Variants in ZCWPW2 observed in about 807,000 individuals in gnomAD.
The protein encoded by ZCWPW2 is zinc finger CW-type PWWP domain protein 2.
Under a neutral mutation model 46.6 loss-of-function variants are expected in ZCWPW2, and 45 were observed. That is an observed-to-expected ratio of 0.96 (90% confidence interval 0.76 to 1.24). The LOEUF is 1.24. Ranked by LOEUF, ZCWPW2 falls within the 50% of genes most tolerant of loss-of-function variation. ZCWPW2 has a pLI of 0.00. For missense variants in ZCWPW2, 429 were observed against 403.9 expected, an observed-to-expected ratio of 1.06 and a Z score of -0.53; for synonymous variants, 152 against 137.1, an observed-to-expected ratio of 1.11 and a Z score of -0.76.
At position 28,369,596 on chromosome 3, in the gene ZCWPW2, C is replaced by T. The variant is rs560803161; in HGVS notation, c.-134+20393C>T. The stretch of plus-strand genomic sequence containing the variant: ...GGAGGTGCCTCCCAGTTAGGCTACT[C>T]GGGAGTCAGGGACCCACTTGAGGAG... On this transcript the variant is annotated intron_variant, in intron 1 of 9. Transcript: ENST00000383768. 6.2e-4 allele frequency among the ~76,000 whole-genome samples: 94 copies of T among 152,308 alleles called. 2 individuals are homozygous for T. The highest frequency in any genetic ancestry group is 6.8e-3 in the Middle Eastern group (2 of 294).
At chr3:28,481,698 A>AT (rs559662624) in intron 5 of ZCWPW2, among the ~76,000 whole-genome samples, 16 of 150,570 alleles carry the variant, frequency 1.1e-4, no homozygotes, top group Admixed American at 2.6e-4. Context: ...AGTAGCAATG[A>AT]TTTTTTTTTT....
chr3:28,486,721 A>G (rs1699611717), intron 5 of ZCWPW2, among the ~76,000 whole-genome samples: 1 of 152,104 alleles, frequency 6.6e-6, no homozygotes. Context: ...TAAAAAATTC[A>G]AAAATTAGCC....
At chr3:28,364,405 G>T (rs962541940) in intron 1 of ZCWPW2, among the ~76,000 whole-genome samples, 11 of 151,388 alleles carry the variant, frequency 7.3e-5, no homozygotes, top group African/African-American at 1.5e-4. Context: ...ATTGCAAATT[G>T]TGCTGCTATA....
intron 6 of ZCWPW2, among the ~76,000 whole-genome samples, chr3:28,497,782 A>G (rs1330932012): frequency 2.0e-5 from 3 of 152,210 alleles, no homozygotes; most frequent in Admixed American, 1.3e-4. Flanking sequence ...TGAGACTTCT[A>G]TCTACAAGCT....
intron 4 of ZCWPW2, among the ~76,000 whole-genome samples, chr3:28,443,771 A>G (rs1417311357): frequency 1.3e-5 from 2 of 152,188 alleles, no homozygotes; most frequent in Non-Finnish European, 1.5e-5. Context: ...TACAGAGAAG[A>G]GCAATTACAG....
chr3:28,397,070 A>G (rs760114699), intron 2 of ZCWPW2, among the ~76,000 whole-genome samples: 1 of 151,826 alleles, frequency 6.6e-6, no homozygotes, highest in Admixed American at 6.6e-5. Flanking sequence ...CAGAGGTTGC[A>G]GTGAGACAAG....
At chr3:28,373,868 G>A (rs1028821702) in intron 1 of ZCWPW2, among the ~76,000 whole-genome samples, 2 of 151,992 alleles carry the variant, frequency 1.3e-5, no homozygotes, top group African/African-American at 4.8e-5. Flanking sequence ...TTTTGCTGTT[G>A]TTTGAGATCC....
At chr3:28,446,514 G>A (rs184693051) in intron 4 of ZCWPW2, among the ~76,000 whole-genome samples, 143 of 152,024 alleles carry the variant, frequency 9.4e-4, no homozygotes, top group African/African-American at 3.3e-3. Context: ...TTAATAGTAT[G>A]CAATGAAAGC....
chr3:28,384,287 G>C (rs1695196401), intron 1 of ZCWPW2, among the ~76,000 whole-genome samples: 1 of 151,958 alleles, frequency 6.6e-6, no homozygotes, highest in Admixed American at 6.6e-5. Flanking sequence ...TCACAAATCT[G>C]TTTTGTACTT....
intron 6 of ZCWPW2, chr3:28,511,230 C>T: frequency 3.3e-6 from 1 of 299,360 alleles, no homozygotes; most frequent in South Asian, 3.0e-5. Flanking sequence ...GAGCAAATGT[C>T]TATTCTTTAT....
At chr3:28,499,926 A>C (rs1700095521) in intron 6 of ZCWPW2, among the ~76,000 whole-genome samples, 1 of 151,940 alleles carries the variant, frequency 6.6e-6, no homozygotes. Context: ...TTCTGTATTT[A>C]TATAGTAAAA....
At chr3:28,406,697 T>C (rs1383063510) in intron 2 of ZCWPW2, among the ~76,000 whole-genome samples, 1 of 152,188 alleles carries the variant, frequency 6.6e-6, no homozygotes, top group Non-Finnish European at 1.5e-5. Context: ...AATAAGACTC[T>C]TCTGAGGTTT....
chr3:28,357,074 GAAA>G (rs61226891), intron 1 of ZCWPW2, among the ~76,000 whole-genome samples: 1 of 150,572 alleles, frequency 6.6e-6, no homozygotes, highest in Non-Finnish European at 1.5e-5. Context: ...TGCCTATAAA[GAAA>G]AAAAAATCCA....
At chr3:28,395,298 A>T (rs774936690) in intron 2 of ZCWPW2, among the ~76,000 whole-genome samples, 2 of 152,124 alleles carry the variant, frequency 1.3e-5, no homozygotes, top group African/African-American at 2.4e-5. Flanking sequence ...TTTGCACTGT[A>T]ATGTAAATGG....
intron 2 of ZCWPW2, among the ~76,000 whole-genome samples, chr3:28,390,922 G>A (rs1341081927): frequency 6.6e-6 from 1 of 152,084 alleles, no homozygotes; most frequent in East Asian, 1.9e-4. Context: ...ATTTGCCAAA[G>A]GGAATTCATA....
chr3:28,493,086 T>G (rs1699870520), intron 6 of ZCWPW2, among the ~76,000 whole-genome samples: 1 of 125,218 alleles, frequency 8.0e-6, no homozygotes, highest in Non-Finnish European at 1.6e-5. Context: ...TATAGGAATC[T>G]TGGCTTTTCT....
intron 5 of ZCWPW2, among the ~76,000 whole-genome samples, chr3:28,481,781 T>A (rs1699437724): frequency 6.6e-6 from 1 of 152,190 alleles, no homozygotes; most frequent in Non-Finnish European, 1.5e-5. Context: ...AATTTAAATT[T>A]CAACCCAACC....
chr3:28,470,341 AC>A (rs947629024), intron 4 of ZCWPW2, among the ~76,000 whole-genome samples: 4 of 152,242 alleles, frequency 2.6e-5, no homozygotes, highest in Admixed American at 6.5e-5. Context: ...TATGAAAAAT[AC>A]AAAAATTAGC....
At chr3:28,490,456 T>C (rs559004917) in intron 5 of ZCWPW2, among the ~76,000 whole-genome samples, 3 of 152,204 alleles carry the variant, frequency 2.0e-5, no homozygotes, top group African/African-American at 7.2e-5. Flanking sequence ...AAAGAAAATA[T>C]GGTACATATT....
Sources: gnomAD v4.1 joint callset for allele counts (sites outside exome capture counted in the v4.1 genomes callset) on GRCh38, gnomAD v4.1.1 for gene constraint, MANE v1.5 for transcripts, NCBI Gene and HGNC (gene_info 2026-07-23, HGNC 2026-07-21) for gene names.